CLTC: variants seen among roughly 807,000 people sequenced by gnomAD.
CLTC encodes clathrin heavy chain 1.
In CLTC, 16 loss-of-function variants were observed where a neutral mutation model predicts 195.8. That is an observed-to-expected ratio of 0.08 (90% CI 0.06 to 0.12). The LOEUF (loss-of-function observed/expected upper bound fraction) is 0.12. Ranked by LOEUF, CLTC falls within the 10% of genes least tolerant of loss-of-function variation. The probability of loss-of-function intolerance (pLI) is 1.00; values close to 1 mark genes in which losing one functional copy is unlikely to be tolerated. For synonymous variants in CLTC, 667 were observed against 689.4 expected (o/e 0.97, Z 0.51); for missense variants, 796 against 2,027.0 (o/e 0.39, Z 11.66).
intron 5 of CLTC, among the ~76,000 whole-genome samples, chr17:59,653,256 C>T (rs148913071): frequency 0.036 from 5,332 of 149,480 alleles, 316 homozygotes; most frequent in African/African-American, 0.13. Context: ...TGCAGTGGTG[C>T]GATCTCGGCT....
intron 8 of CLTC, among the ~76,000 whole-genome samples, chr17:59,663,589 T>C (rs1244923044): frequency 6.6e-6 from 1 of 152,226 alleles, no homozygotes; most frequent in South Asian, 2.1e-4. Flanking sequence ...AACAAGGTAG[T>C]TGATAGTATC....
intron 1 of CLTC, among the ~76,000 whole-genome samples, chr17:59,621,540 TTTGCAAGTA>T (rs1325819790): frequency 1.3e-5 from 2 of 152,252 alleles, no homozygotes; most frequent in Non-Finnish European, 2.9e-5. Context: ...TTCATATTTC[TTTGCAAGTA>T]TTACCATGTT....
intron 1 of CLTC, among the ~76,000 whole-genome samples, chr17:59,638,896 C>T (rs1314107968): frequency 6.6e-6 from 1 of 152,128 alleles, no homozygotes; most frequent in Non-Finnish European, 1.5e-5. Context: ...CCTTTTACTC[C>T]CCACCTCCCC....
In CLTC at chr17:59,685,314, T is replaced by A; in HGVS notation, c.4605+88T>A. On this transcript the variant is annotated intron_variant, in intron 29 of 31. Transcript: ENST00000269122. This position sits in a 1 kb window ranked among gnomAD's most constrained non-coding sequence, Gnocchi z 5.0. ...TATAATCTATAAATAAAAGTATTGG[T>A]TTTGTGAATATGAGAGCTGACTTTA... The A allele has an allele frequency of 1.5e-6, 2 of 1,299,620 alleles. No individual in the cohort carries two copies. Among genetic ancestry groups the A allele is most frequent in the Non-Finnish European group, 2.1e-6 (2 of 965,226 alleles). 80.5% of individuals were successfully genotyped at this position (1,299,620 alleles called of 1,614,324 possible). A position where few individuals can be genotyped will look rare whatever the true frequency, so the allele number is the denominator to read the frequency against.
At chr17:59,665,011 G>A in intron 10 of CLTC, 102 bp downstream of exon 10, 1 of 1,458,624 alleles carries the variant, frequency 6.9e-7, no homozygotes, top group South Asian at 1.3e-5. Flanking sequence ...TATTGCTTGA[G>A]GCCAAGAATT....
At chr17:59,642,193 C>T (rs1038877855) in intron 1 of CLTC, among the ~76,000 whole-genome samples, 5 of 152,150 alleles carry the variant, frequency 3.3e-5, no homozygotes, top group Admixed American at 6.5e-5. Context: ...CTTCCACCTG[C>T]CTCTGAAGTT....
Position 59,682,478 on chromosome 17 carries a change from G to A in CLTC, c.3600+50G>A, listed in dbSNP as rs762076133. ...AAAAACTAGTTGGGCTACTTGATTA[G>A]CTTGGTAGGATCAAAACATCATAAC... On this transcript the variant is annotated intron_variant, in intron 22 of 31. Coordinates refer to ENST00000269122, the MANE Select transcript of CLTC (RefSeq NM_004859.4). The surrounding 1 kb of genome is among the most constrained non-coding windows in gnomAD (Gnocchi z 6.8). 3 of 1,607,158 alleles carry A rather than the reference G, an allele frequency of 1.9e-6. No homozygotes were observed. In the South Asian group the frequency reaches 3.3e-5, roughly 18 times the overall value.
chr17:59,620,461 C>T (rs1051623467), intron 1 of CLTC, among the ~76,000 whole-genome samples: 1 of 150,982 alleles, frequency 6.6e-6, no homozygotes, highest in Admixed American at 6.6e-5. Context: ...CGTACAAACT[C>T]TCTCCCCATT....
intron 1 of CLTC, among the ~76,000 whole-genome samples, chr17:59,634,671 G>C (rs2031813841): frequency 6.6e-6 from 1 of 151,156 alleles, no homozygotes; most frequent in Admixed American, 6.6e-5. Context: ...CTAACATGGA[G>C]TAGAAAAAAA....
At position 59,666,765 on chromosome 17, in the gene CLTC, T is replaced by A. The variant is rs1330798634; in HGVS notation, c.1948-32T>A. On this transcript the variant is annotated intron_variant, in intron 12 of 31. Coordinates refer to ENST00000269122, the MANE Select transcript of CLTC (RefSeq NM_004859.4). The surrounding 1 kb of genome is among the most constrained non-coding windows in gnomAD (Gnocchi z 4.9). The stretch of plus-strand genomic sequence containing the variant: ...ACCATGAGGTTCAACATTATTTCAT[T>A]TATTCATTCATTCATTTATTTTGTC... 2 of 1,584,456 alleles carry A rather than the reference T, an allele frequency of 1.3e-6. No homozygotes were observed. The highest frequency in any genetic ancestry group is 1.7e-6 in the Non-Finnish European group (2 of 1,160,444).
rs2143586749 is a variant in CLTC at position 59,679,526 on chromosome 17, T to C, written c.2919+7T>C. The C allele has an allele frequency of 2.5e-6, 4 of 1,577,270 alleles. No homozygotes were observed. In the African/African-American group the frequency reaches 4.0e-5, roughly 16 times the overall value. ...GAGACCCCTAATTGACCAGGTAACA[T>C]TGGCAAATGTGTTTATGGCTGTCAG... On this transcript the variant is annotated splice_region_variant and intron_variant, in intron 18 of 31. Coordinates refer to ENST00000269122, the MANE Select transcript of CLTC (RefSeq NM_004859.4).
Position 59,693,929 on chromosome 17 carries a change from G to GGAAA in CLTC, c.*78_*81dup, listed in dbSNP as rs2033366811. 7.1e-6 allele frequency: 10 copies of GGAAA among 1,402,716 alleles called. No individual in the cohort carries two copies. The highest frequency in any genetic ancestry group is 3.2e-5 in the South Asian group (2 of 63,286). 86.9% of individuals were successfully genotyped at this position (1,402,716 alleles called of 1,614,324 possible). On this transcript the variant is annotated 3_prime_UTR_variant, in exon 32 of 32. Coordinates refer to ENST00000269122, the MANE Select transcript of CLTC (RefSeq NM_004859.4). ...TACCCACTTCTCAGTTTATAATGGG[G>GGAAA]GAAAACAGGCAACGTGTTCTTGTAA...
chr17:59,677,113 G>A lies in CLTC; in HGVS notation c.2721G>A (p.Lys907=). 6.2e-7 allele frequency: 1 copy of A among 1,614,070 alleles called. No homozygotes were observed. The highest frequency in any genetic ancestry group is 8.5e-7 in the Non-Finnish European group (1 of 1,180,000). Residue 907 remains lysine, a synonymous_variant, in exon 17 of 32, where the codon AAG becomes AAA. Coordinates refer to ENST00000269122, the MANE Select transcript of CLTC (RefSeq NM_004859.4). ...NPYYDSRVVG[K]YCEKRDPHLA... is the part of the protein sequence containing the mutation. ...ACTATGACAGTCGCGTTGTTGGAAA[G>A]TATTGTGAGAAGAGAGATCCACATC...
chr17:59,632,867 A>G (rs1399253689), intron 1 of CLTC, among the ~76,000 whole-genome samples: 1 of 152,168 alleles, frequency 6.6e-6, no homozygotes, highest in East Asian at 1.9e-4. Flanking sequence ...TTTTTCTCCT[A>G]TAGGTTGTTT....
chr17:59,658,547 A>G (rs910794755), intron 6 of CLTC: 1 of 152,212 alleles, frequency 6.6e-6, no homozygotes. Context: ...GCTAAAGTCT[A>G]CCAACTTGGC....
At chr17:59,632,383 A>AC in intron 1 of CLTC, among the ~76,000 whole-genome samples, 1 of 151,338 alleles carries the variant, frequency 6.6e-6, no homozygotes, top group East Asian at 1.9e-4. Flanking sequence ...AAAAAAAAAA[A>AC]GATTTTTAGA....
rs143679577 is a variant in CLTC at position 59,681,829 on chromosome 17, C to T, written c.3432C>T (p.Ala1144=). 1.9e-6 allele frequency: 3 copies of T among 1,611,704 alleles called. No homozygotes were observed. The highest frequency in any genetic ancestry group is 2.5e-6 in the Non-Finnish European group (3 of 1,178,666). ...CCTACATGGAAGTTGTTCAGGCTGC[C>T]AATACTAGTGGTATGACTTCTTACC... ...PSSYMEVVQA[A]NTSGNWEELV... The change falls in exon 21 of 32, where the codon GCC becomes GCT. Residue 1144 remains alanine, a synonymous_variant. Transcript: ENST00000269122. The surrounding 1 kb of genome is among the most constrained non-coding windows in gnomAD (Gnocchi z 5.0).
rs1447407479 is a variant in CLTC at position 59,695,709 on chromosome 17, G to GA, written c.*1860dup. The GA allele has an allele frequency of 5.2e-6, 1 of 191,920 alleles. No individual in the cohort carries two copies. The highest frequency in any genetic ancestry group is 1.1e-5 in the Non-Finnish European group (1 of 91,818). The allele number at this position is 191,920 out of a possible 1,614,324, so 11.9% of individuals were successfully genotyped here. On this transcript the variant is annotated 3_prime_UTR_variant, in exon 32 of 32. Transcript: ENST00000269122. ...TTTAGTTTCATCCAGGACATTAAGT[G>GA]AAAGTGTTTAATGTGAGTGCAGGTC...
intron 1 of CLTC, among the ~76,000 whole-genome samples, chr17:59,633,373 G>A (rs1262049473): frequency 6.6e-6 from 1 of 152,008 alleles, no homozygotes; most frequent in Non-Finnish European, 1.5e-5. Flanking sequence ...CATGCCTGTA[G>A]TCCCAGCTAC....
Sources: allele counts gnomAD v4.1 joint callset (sites outside exome capture counted in the v4.1 genomes callset), GRCh38; gene constraint gnomAD v4.1.1; non-coding constraint Gnocchi (gnomAD v3.1); transcripts MANE v1.5; gene names NCBI Gene and HGNC (gene_info 2026-07-23, HGNC 2026-07-21).